PKD1L1: variants seen among roughly 807,000 people sequenced by gnomAD.
PKD1L1 encodes polycystin-1-like protein 1.
Under a neutral mutation model 323.4 loss-of-function variants are expected in PKD1L1, and 236 were observed. The ratio of observed to expected loss-of-function variants is 0.73; its 90% confidence interval spans 0.66 to 0.81. The LOEUF (loss-of-function observed/expected upper bound fraction) is 0.81. Among genes scored for constraint, PKD1L1 ranks in the 40% least tolerant of loss-of-function variants. The pLI is 0.00. For synonymous variants in PKD1L1, 1,344 were observed against 1,335.0 expected, an observed-to-expected ratio of 1.01 and a Z score of -0.15; for missense variants, 3,320 against 3,508.0, an observed-to-expected ratio of 0.95 and a Z score of 1.35.
chr7:47,840,682 C>T lies in PKD1L1; in HGVS notation c.5446-115G>A. 1.3e-6 allele frequency: 1 copy of T among 780,874 alleles called. No individual in the cohort carries two copies. Among genetic ancestry groups the T allele is most frequent in the Non-Finnish European group, 2.1e-6 (1 of 473,462 alleles). The allele number at this position is 780,874 out of a possible 1,614,324, so 48.4% of individuals were successfully genotyped here. A position where few individuals can be genotyped will look rare whatever the true frequency, so the allele number is the denominator to read the frequency against. On this transcript the variant is annotated intron_variant, in intron 34 of 56. Transcript: ENST00000289672. This position sits in a 1 kb window ranked among gnomAD's most constrained non-coding sequence, Gnocchi z 4.1. ...GCGTCCCACCCTTCCTCAAAACCAT[C>T]TGCACGGTGGAGTGCCACAGCCTAG...
chr7:47,857,730 C>G lies in PKD1L1; in HGVS notation c.4465G>C (p.Val1489Leu), dbSNP rs766501476. 2.5e-6 allele frequency: 4 copies of G among 1,613,872 alleles called. No individual in the cohort carries two copies. Among genetic ancestry groups the G allele is most frequent in the Admixed American group, 3.3e-5 (2 of 59,990 alleles). The change falls in exon 28 of 57, where the codon GTG becomes CTG. Residue 1489 changes from valine to leucine, a missense_variant. Transcript: ENST00000289672. ...CCAGCAAGGTCACCAGGTAAATGCA[C>G]CTGGACAGATCCCAGGCTCTGGACA... ...SSVQSLGSVQ[V>L]HLPGDLAGHS...
At chr7:47,834,059 C>T (rs1359652421) in intron 40 of PKD1L1, among the ~76,000 whole-genome samples, 1 of 152,244 alleles carries the variant, frequency 6.6e-6, no homozygotes, top group African/African-American at 2.4e-5. Context: ...TTCTGGGCTT[C>T]ACTTCCTTCC....
At chr7:47,875,515 C>G (rs1049086929) in intron 23 of PKD1L1, among the ~76,000 whole-genome samples, 1 of 152,160 alleles carries the variant, frequency 6.6e-6, no homozygotes, top group Non-Finnish European at 1.5e-5. Context: ...ATTTAACCAG[C>G]CTGGGTTTGC....
intron 55 of PKD1L1, among the ~76,000 whole-genome samples, chr7:47,793,077 A>G (rs984116195): frequency 7.2e-6 from 1 of 138,696 alleles, no homozygotes; most frequent in Non-Finnish European, 1.6e-5. Flanking sequence ...ATTTAAAGGC[A>G]GTAATGCATC....
At chr7:47,776,504 C>T (rs928797993) in intron 56 of PKD1L1, among the ~76,000 whole-genome samples, 5 of 152,202 alleles carry the variant, frequency 3.3e-5, no homozygotes, top group Middle Eastern at 3.2e-3. Flanking sequence ...AGCATGGCCC[C>T]AAGCCTAGCG....
chr7:47,888,675 C>A (rs1453691324), intron 16 of PKD1L1, among the ~76,000 whole-genome samples: 2 of 152,246 alleles, frequency 1.3e-5, no homozygotes, highest in Non-Finnish European at 2.9e-5. Context: ...CTCGGCCCCG[C>A]CTCTTCCCTG....
At chr7:47,832,311 G>T (rs1022829993) in intron 41 of PKD1L1, among the ~76,000 whole-genome samples, 1 of 152,194 alleles carries the variant, frequency 6.6e-6, no homozygotes, top group Non-Finnish European at 1.5e-5. Flanking sequence ...CAGTTTGTCT[G>T]GGAGGGTCGT....
At chr7:47,805,328 G>C (rs953081498) in intron 52 of PKD1L1, among the ~76,000 whole-genome samples, 3 of 152,214 alleles carry the variant, frequency 2.0e-5, no homozygotes, top group Non-Finnish European at 4.4e-5. Context: ...TCCATCATTA[G>C]AAAGTCATTT....
Position 47,888,126 on chromosome 7 carries a change from G to A in PKD1L1, c.2700C>T (p.Ser900=), listed in dbSNP as rs1461167559. The stretch of plus-strand genomic sequence containing the variant: ...TCCAGTTGACGAAGGTGTCTTTAAA[G>A]CTGACCCAGGAGATGTGGACGAATC... ...AFRFVHISWV[S]FKDTFVNWND... The change falls in exon 17 of 57, where the codon AGC becomes AGT. Residue 900 remains serine (S), a synonymous_variant. Transcript: ENST00000289672. The A allele has an allele frequency of 4.3e-6, 7 of 1,613,796 alleles. No individual in the cohort carries two copies. Among genetic ancestry groups the A allele is most frequent in the Non-Finnish European group, 5.1e-6 (6 of 1,179,904 alleles).
rs9691664 is a variant in PKD1L1 at position 47,877,854 on chromosome 7, C to T, written c.3521-223G>A. 0.12 allele frequency among the ~76,000 whole-genome samples: 17,925 copies of T among 151,972 alleles called. 1,124 individuals are homozygous for T. The highest frequency in any genetic ancestry group is 0.18 in the South Asian group (851 of 4,786). The stretch of plus-strand genomic sequence containing the variant: ...GACTCAGTGATAGTTTTCACATACC[C>T]TTAGGGGATTCTGAAGTTCTGGGGT... On this transcript the variant is annotated intron_variant, in intron 21 of 56. Transcript: ENST00000289672.
chr7:47,873,209 T>G (rs1328832537), intron 24 of PKD1L1, among the ~76,000 whole-genome samples: 1 of 152,142 alleles, frequency 6.6e-6, no homozygotes, highest in Non-Finnish European at 1.5e-5. Context: ...AAGTCAAGGT[T>G]TTCACGGGAT....
Position 47,829,504 on chromosome 7 carries a change from T to G in PKD1L1, c.6656A>C (p.Glu2219Ala). 6.2e-7 allele frequency: 1 copy of G among 1,614,126 alleles called. No homozygotes were observed. The highest frequency in any genetic ancestry group is 8.5e-7 in the Non-Finnish European group (1 of 1,180,020). The change falls in exon 44 of 57, where the codon GAA (glutamate) becomes GCA (alanine). Residue 2219 changes from glutamate (E) to alanine (A), a missense_variant. Physicochemically the swap from Glu to Ala is moderately radical, Grantham distance 107. Coordinates refer to ENST00000289672, the MANE Select transcript of PKD1L1 (RefSeq NM_138295.5). Reference protein sequence around the residue: ...LCEATRDLDSELAERSWTRLP... With the variant: ...LCEATRDLDSALAERSWTRLP... ...GCGAGTCCAGGAACGTTCTGCCAAT[T>G]CAGAGTCCAGATCCCTGGTAGCCTC...
intron 30 of PKD1L1, among the ~76,000 whole-genome samples, chr7:47,853,778 A>C (rs1322782331): frequency 6.6e-6 from 1 of 151,758 alleles, no homozygotes; most frequent in East Asian, 1.9e-4. Context: ...AAAAAAAAAA[A>C]AAAAAACACC....
intron 45 of PKD1L1, among the ~76,000 whole-genome samples, chr7:47,824,150 T>A (rs1471497935): frequency 6.6e-6 from 1 of 152,234 alleles, no homozygotes; most frequent in African/African-American, 2.4e-5. Context: ...TTCTAATTCT[T>A]TTTGGTGGAC....
chr7:47,927,944 A>G (rs1787686249), intron 7 of PKD1L1, among the ~76,000 whole-genome samples: 2 of 152,256 alleles, frequency 1.3e-5, no homozygotes, highest in Non-Finnish European at 2.9e-5. Context: ...AAAAAGAAAG[A>G]GCTGAATAGA....
At chr7:47,819,254 CTA>C (rs1401633305) in intron 46 of PKD1L1, among the ~76,000 whole-genome samples, 2 of 152,170 alleles carry the variant, frequency 1.3e-5, no homozygotes, top group East Asian at 3.8e-4. Flanking sequence ...AACATAAGGT[CTA>C]TGTAAATCCA....
rs940375703 is a variant in PKD1L1, at chr7:47,839,869, C to T, written c.5553-207G>A. On this transcript the variant is annotated intron_variant, in intron 35 of 56. Coordinates refer to ENST00000289672, the MANE Select transcript of PKD1L1 (RefSeq NM_138295.5). The surrounding 1 kb of genome is among the most constrained non-coding windows in gnomAD (Gnocchi z 4.3). Reference sequence around the variant, plus strand: ...AATCCCACCGAGCACAGTGACCCTGCACTCAGGCCTTCAATATCCACCAGC... The same window carrying T: ...AATCCCACCGAGCACAGTGACCCTGTACTCAGGCCTTCAATATCCACCAGC... Among the ~76,000 whole-genome samples the T allele has an allele frequency of 6.6e-6, 1 of 152,236 alleles. No individual in the cohort carries two copies. The highest frequency in any genetic ancestry group is 1.5e-5 in the Non-Finnish European group (1 of 68,040).
At chr7:47,862,969 G>A (rs531006419) in intron 26 of PKD1L1, among the ~76,000 whole-genome samples, 1 of 152,286 alleles carries the variant, frequency 6.6e-6, no homozygotes, top group African/African-American at 2.4e-5. Context: ...TTCTAAGGTG[G>A]CCTGAGAGGA....
intron 45 of PKD1L1, among the ~76,000 whole-genome samples, chr7:47,823,574 G>GT (rs1785188146): frequency 6.6e-6 from 1 of 152,176 alleles, no homozygotes; most frequent in Non-Finnish European, 1.5e-5. Flanking sequence ...AGATTGGACT[G>GT]TTTTGGGTAG....
Sources: gnomAD v4.1 joint callset for allele counts (sites outside exome capture counted in the v4.1 genomes callset) on GRCh38, gnomAD v4.1.1 for gene constraint, Gnocchi (gnomAD v3.1) non-coding constraint, MANE v1.5 for transcripts, NCBI Gene and HGNC (gene_info 2026-07-23, HGNC 2026-07-21) for gene names.